Variants in GAB2 observed in about 807,000 individuals in gnomAD.
GAB2 encodes GRB2-associated-binding protein 2.
Under a neutral mutation model 65.5 loss-of-function variants are expected in GAB2, and 26 were observed. The observed-to-expected ratio is 0.40, with a 90% CI of 0.29 to 0.55. The LOEUF (loss-of-function observed/expected upper bound fraction) is 0.55, where lower values mean the gene tolerates loss of function less well. Ranked by LOEUF, GAB2 falls within the 20% of genes least tolerant of loss-of-function variation. The pLI is 0.53. For missense variants in GAB2, 884 were observed against 875.8 expected (o/e 1.01, Z -0.12); for synonymous variants, 321 against 329.6 (o/e 0.97, Z 0.28).
At chr11:78,281,090 A>T (rs1275503820) in intron 1 of GAB2, among the ~76,000 whole-genome samples, 189 bp from the exon 2 acceptor site, 1 of 152,072 alleles carries the variant, frequency 6.6e-6, no homozygotes, top group Non-Finnish European at 1.5e-5. Flanking sequence ...GGTGGCTGGG[A>T]CTACAGACGC....
At chr11:78,286,659 T>C (rs976183649) in intron 1 of GAB2, among the ~76,000 whole-genome samples, 4 of 151,952 alleles carry the variant, frequency 2.6e-5, no homozygotes, top group Non-Finnish European at 4.4e-5. Flanking sequence ...CAGTAGGAAG[T>C]AGAAAAGAAG....
At chr11:78,307,175 T>C (rs1171629731) in intron 1 of GAB2, among the ~76,000 whole-genome samples, 6 of 152,106 alleles carry the variant, frequency 3.9e-5, no homozygotes, top group African/African-American at 1.4e-4. Context: ...TCACTAAGAG[T>C]AGCCCATGAC....
At chr11:78,294,798 C>T (rs905827149) in intron 1 of GAB2, among the ~76,000 whole-genome samples, 2 of 152,054 alleles carry the variant, frequency 1.3e-5, no homozygotes, top group African/African-American at 4.8e-5. Flanking sequence ...AGAAGAAAAC[C>T]TAGGCAATAC....
chr11:78,224,308 C>T (rs150020166), intron 5 of GAB2, among the ~76,000 whole-genome samples: 1,886 of 152,260 alleles, frequency 0.012, 22 homozygotes, highest in Middle Eastern at 0.017. Flanking sequence ...ACCTGCCCTC[C>T]ACCTCAAGTC....
chr11:78,324,840 T>A (rs1285819114), intron 1 of GAB2: 1 of 152,214 alleles, frequency 6.6e-6, no homozygotes, highest in Non-Finnish European at 1.5e-5. Context: ...GATGGTCATT[T>A]TCATATTCAC....
chr11:78,339,816 C>G (rs1032243832), intron 1 of GAB2, among the ~76,000 whole-genome samples: 1 of 149,852 alleles, frequency 6.7e-6, no homozygotes, highest in Admixed American at 6.6e-5. Context: ...TGTGAATAAA[C>G]TCTGTTCATA....
intron 1 of GAB2, among the ~76,000 whole-genome samples, chr11:78,306,644 G>C (rs1488557917): frequency 6.6e-6 from 1 of 152,226 alleles, no homozygotes; most frequent in Non-Finnish European, 1.5e-5. Flanking sequence ...AAAGCTACAA[G>C]CTTCATCATG....
chr11:78,337,623 G>T (rs1041120852), intron 1 of GAB2, among the ~76,000 whole-genome samples: 1 of 152,218 alleles, frequency 6.6e-6, no homozygotes, highest in Admixed American at 6.5e-5. Flanking sequence ...GAAGAAGAAA[G>T]CATCATTCTA....
At chr11:78,282,965 T>C (rs188038255) in intron 1 of GAB2, among the ~76,000 whole-genome samples, 6 of 152,348 alleles carry the variant, frequency 3.9e-5, no homozygotes, top group African/African-American at 9.6e-5. Flanking sequence ...CTAAGTCTAA[T>C]GCTCTGCCAA....
At chr11:78,357,577 AAAC>A (rs1248639022) in intron 1 of GAB2, among the ~76,000 whole-genome samples, 1 of 152,218 alleles carries the variant, frequency 6.6e-6, no homozygotes, top group Non-Finnish European at 1.5e-5. Flanking sequence ...AGAAAAAAAC[AAAC>A]AACCCCATCA....
At chr11:78,244,254 T>G (rs1463156766) in intron 3 of GAB2, among the ~76,000 whole-genome samples, 1 of 152,058 alleles carries the variant, frequency 6.6e-6, no homozygotes, top group African/African-American at 2.4e-5. Context: ...TGGCCAGGCA[T>G]GGTGGTACAT....
At chr11:78,243,171 AAAAAG>A (rs1865190595) in intron 3 of GAB2, among the ~76,000 whole-genome samples, 1 of 151,822 alleles carries the variant, frequency 6.6e-6, no homozygotes, top group African/African-American at 2.4e-5. Flanking sequence ...CTAGAAAAAA[AAAAAG>A]AAAAAAAAAG....
At chr11:78,279,714 C>G (rs1866278941) in intron 2 of GAB2, among the ~76,000 whole-genome samples, 1 of 152,142 alleles carries the variant, frequency 6.6e-6, no homozygotes, top group Admixed American at 6.6e-5. Context: ...AGATGGTCCT[C>G]TCTGTCTTCT....
intron 3 of GAB2, among the ~76,000 whole-genome samples, chr11:78,230,686 T>C (rs1038411245): frequency 1.3e-5 from 2 of 152,242 alleles, no homozygotes; most frequent in African/African-American, 4.8e-5. Flanking sequence ...AGACTGATTA[T>C]CACCTCAGTA....
intron 1 of GAB2, among the ~76,000 whole-genome samples, chr11:78,300,336 A>T (rs1413845908): frequency 7.0e-6 from 1 of 142,830 alleles, no homozygotes; most frequent in Admixed American, 6.7e-5. Flanking sequence ...ACCATTATTT[A>T]GCCATTCACC....
chr11:78,369,233 T>C (rs1856537520), intron 1 of GAB2, among the ~76,000 whole-genome samples: 1 of 152,062 alleles, frequency 6.6e-6, no homozygotes, highest in Non-Finnish European at 1.5e-5. Context: ...TATTAATCAA[T>C]GGCAATCATT....
chr11:78,263,786 GTT>G (rs1865801146), intron 2 of GAB2, among the ~76,000 whole-genome samples: 1 of 151,956 alleles, frequency 6.6e-6, no homozygotes, highest in African/African-American at 2.4e-5. Flanking sequence ...GGATCATTTA[GTT>G]TAATATTAAT....
chr11:78,369,870 T>C (rs1856544208), intron 1 of GAB2, among the ~76,000 whole-genome samples: 1 of 152,222 alleles, frequency 6.6e-6, no homozygotes, highest in Non-Finnish European at 1.5e-5. Flanking sequence ...GATGATGGCA[T>C]CTGGCGTGGG....
intron 1 of GAB2, among the ~76,000 whole-genome samples, chr11:78,409,657 T>C (rs953736185): frequency 2.0e-5 from 3 of 151,986 alleles, no homozygotes; most frequent in Non-Finnish European, 4.4e-5. Context: ...ACAGAAATAT[T>C]CACAATTATA....
Sources: gnomAD v4.1 joint callset for allele counts (sites outside exome capture counted in the v4.1 genomes callset) on GRCh38, gnomAD v4.1.1 for gene constraint, MANE v1.5 for transcripts, NCBI Gene and HGNC (gene_info 2026-07-23, HGNC 2026-07-21) for gene names.